The following SLC24A2 variants were observed in gnomAD, a reference collection of about 807,000 sequenced individuals.
The protein encoded by SLC24A2 is solute carrier family 24 member 2.
A neutral mutation model predicts 62.0 loss-of-function variants in SLC24A2; 36 were observed. The observed-to-expected ratio is 0.58, with a 90% CI of 0.44 to 0.77. The LOEUF is 0.77. Among genes scored for constraint, SLC24A2 ranks in the 30% least tolerant of loss-of-function variants. SLC24A2 has a pLI of 0.00. For synonymous variants in SLC24A2, 358 were observed against 294.0 expected, an observed-to-expected ratio of 1.22 and a Z score of -2.23; for missense variants, 846 against 817.9, an observed-to-expected ratio of 1.03 and a Z score of -0.42.
At chr9:20,022,607 A>T in the SLC24A2 span, among the ~76,000 whole-genome samples, 1 of 152,186 alleles carries the variant, frequency 6.6e-6, no homozygotes, top group Non-Finnish European at 1.5e-5. Context: ...CCACAATGGA[A>T]TCATGATGAC....
At chr9:19,741,465 C>G (rs1387511644) in intron 2 of SLC24A2, among the ~76,000 whole-genome samples, 1 of 152,166 alleles carries the variant, frequency 6.6e-6, no homozygotes, top group Non-Finnish European at 1.5e-5. Context: ...ACTCACATAA[C>G]AGCCTCAACA....
At chr9:19,731,360 T>G (rs768955386) in intron 2 of SLC24A2, among the ~76,000 whole-genome samples, 6 of 152,214 alleles carry the variant, frequency 3.9e-5, no homozygotes, top group Non-Finnish European at 7.3e-5. Flanking sequence ...CACATTCAAA[T>G]GTTGAAGCTC....
the SLC24A2 span, among the ~76,000 whole-genome samples, chr9:20,307,488 T>C: frequency 0.011 from 1,601 of 152,288 alleles, 26 homozygotes; most frequent in Middle Eastern, 0.037. Context: ...CCCTCTAATA[T>C]AACCAGAGCA....
chr9:20,033,033 T>C, the SLC24A2 span, among the ~76,000 whole-genome samples: 1 of 152,306 alleles, frequency 6.6e-6, no homozygotes, highest in South Asian at 2.1e-4. Context: ...TGAATATAAT[T>C]TTAGAGTTCA....
the SLC24A2 span, among the ~76,000 whole-genome samples, chr9:19,954,981 A>T: frequency 6.6e-6 from 1 of 151,108 alleles, no homozygotes; most frequent in East Asian, 1.9e-4. Context: ...GGAGGCTGCC[A>T]TTTTTTTTTA....
chr9:20,147,452 G>C, the SLC24A2 span, among the ~76,000 whole-genome samples: 1 of 152,130 alleles, frequency 6.6e-6, no homozygotes, highest in African/African-American at 2.4e-5. Context: ...TTCATGTCAA[G>C]TCTTGATGTC....
the SLC24A2 span, among the ~76,000 whole-genome samples, chr9:20,034,566 A>T: frequency 7.0e-6 from 1 of 142,232 alleles, no homozygotes; most frequent in South Asian, 2.2e-4. Context: ...CCCCGGGTTC[A>T]CTCCATTCTG....
chr9:20,047,035 A>G, the SLC24A2 span, among the ~76,000 whole-genome samples: 14 of 152,184 alleles, frequency 9.2e-5, no homozygotes, highest in Non-Finnish European at 1.9e-4. Flanking sequence ...TTATATAACT[A>G]TCTAGCTCTT....
At chr9:19,948,322 G>A in the SLC24A2 span, among the ~76,000 whole-genome samples, 1 of 152,172 alleles carries the variant, frequency 6.6e-6, no homozygotes, top group Non-Finnish European at 1.5e-5. Context: ...CAGGCTCCCA[G>A]TCTTTGCCTA....
intron 2 of SLC24A2, among the ~76,000 whole-genome samples, chr9:19,736,308 C>T (rs1040438589): frequency 7.9e-5 from 12 of 151,830 alleles, no homozygotes; most frequent in African/African-American, 2.9e-4. Flanking sequence ...GATTTAAACC[C>T]CAAATATACC....
intron 2 of SLC24A2, among the ~76,000 whole-genome samples, chr9:19,764,204 T>C (rs1822440717): frequency 6.6e-6 from 1 of 152,208 alleles, no homozygotes; most frequent in African/African-American, 2.4e-5. Context: ...CTTCTCTCTT[T>C]TCTTCTTTAT....
chr9:20,298,633 A>C, the SLC24A2 span, among the ~76,000 whole-genome samples: 1 of 152,260 alleles, frequency 6.6e-6, no homozygotes, highest in Non-Finnish European at 1.5e-5. Context: ...TCATGTTTCC[A>C]ATGATTTCTA....
intron 7 of SLC24A2, among the ~76,000 whole-genome samples, chr9:19,552,435 C>T (rs1302176229): frequency 2.0e-5 from 3 of 152,216 alleles, no homozygotes; most frequent in Non-Finnish European, 4.4e-5. Flanking sequence ...CCCTTACCTC[C>T]TGGCAGATGC....
At chr9:20,144,428 G>C in the SLC24A2 span, among the ~76,000 whole-genome samples, 1 of 152,122 alleles carries the variant, frequency 6.6e-6, no homozygotes, top group Admixed American at 6.5e-5. Flanking sequence ...AGCTCGCTCC[G>C]ACCACTAGCC....
intron 2 of SLC24A2, among the ~76,000 whole-genome samples, chr9:19,685,635 T>C (rs1180983820): frequency 6.6e-6 from 1 of 152,042 alleles, no homozygotes; most frequent in Non-Finnish European, 1.5e-5. Context: ...AACCATCTGA[T>C]ATTCAACAAA....
At chr9:19,565,207 T>G (rs1287869008) in intron 7 of SLC24A2, among the ~76,000 whole-genome samples, 2 of 152,134 alleles carry the variant, frequency 1.3e-5, no homozygotes, top group African/African-American at 2.4e-5. Context: ...ATTGTATATT[T>G]AGAAAACCCC....
chr9:19,590,833 C>A (rs1360821417), intron 5 of SLC24A2, among the ~76,000 whole-genome samples: 1 of 152,176 alleles, frequency 6.6e-6, no homozygotes, highest in East Asian at 1.9e-4. Flanking sequence ...AGTCAAAAAA[C>A]CCCCAATTTG....
chr9:20,243,308 A>T, the SLC24A2 span, among the ~76,000 whole-genome samples: 1 of 152,222 alleles, frequency 6.6e-6, no homozygotes, highest in East Asian at 1.9e-4. Context: ...GACTATCATA[A>T]TCAGAAAAAC....
chr9:20,182,211 A>G, the SLC24A2 span, among the ~76,000 whole-genome samples: 1 of 152,072 alleles, frequency 6.6e-6, no homozygotes, highest in Non-Finnish European at 1.5e-5. Context: ...ATTGTGGAAA[A>G]CAGTGATTCC....
Sources: gnomAD v4.1 joint callset for allele counts (sites outside exome capture counted in the v4.1 genomes callset) on GRCh38, gnomAD v4.1.1 for gene constraint, MANE v1.5 for transcripts, NCBI Gene and HGNC (gene_info 2026-07-23, HGNC 2026-07-21) for gene names.